RAP1GAP: variants seen among roughly 807,000 people sequenced by gnomAD.
RAP1GAP encodes rap1 GTPase-activating protein 1.
RAP1GAP carries 35 observed loss-of-function variants against 87.2 expected under a neutral mutation model. The ratio of observed to expected loss-of-function variants is 0.40; its 90% CI spans 0.31 to 0.53. RAP1GAP has a LOEUF of 0.53. Among genes scored for constraint, RAP1GAP ranks in the 20% least tolerant of loss-of-function variants. The pLI, the probability that RAP1GAP is intolerant of heterozygous loss-of-function variation, is 0.48. For missense variants in RAP1GAP, 734 were observed against 898.9 expected (o/e 0.82, Z 2.35); for synonymous variants, 375 against 363.9 (o/e 1.03, Z -0.35).
intron 2 of RAP1GAP, among the ~76,000 whole-genome samples, chr1:21,638,435 C>T (rs1389086641): frequency 2.5e-4 from 35 of 141,688 alleles, no homozygotes; most frequent in Non-Finnish European, 3.3e-4. Context: ...CCAGCCTGGG[C>T]GACAGAGCAA....
intron 13 of RAP1GAP, among the ~76,000 whole-genome samples, chr1:21,611,228 C>T (rs908877108): frequency 6.6e-6 from 1 of 152,246 alleles, no homozygotes; most frequent in Admixed American, 6.5e-5. Flanking sequence ...TCCCTCTATG[C>T]ACCCACGCAT....
chr1:21,606,318 A>G, intron 17 of RAP1GAP, 121 bp from the exon 18 acceptor site: 1 of 1,398,332 alleles, frequency 7.2e-7, no homozygotes. Context: ...AGCCCTGGAA[A>G]TCCCTTCCCC....
intron 2 of RAP1GAP, among the ~76,000 whole-genome samples, chr1:21,636,597 G>A (rs1311525949): frequency 1.3e-5 from 2 of 151,936 alleles, no homozygotes; most frequent in Admixed American, 1.3e-4. Flanking sequence ...ACCTGAGGTC[G>A]GGAGTTTGAG....
chr1:21,600,867 A>G (rs1374939004), intron 20 of RAP1GAP, among the ~76,000 whole-genome samples: 1 of 89,022 alleles, frequency 1.1e-5, no homozygotes, highest in African/African-American at 4.9e-5. Flanking sequence ...CCTGGGAGAC[A>G]GAGCAAGACT....
intron 5 of RAP1GAP, 104 bp from the exon 6 acceptor site, chr1:21,618,076 G>T: frequency 7.3e-7 from 1 of 1,374,302 alleles, no homozygotes. Flanking sequence ...GTGCGGATGG[G>T]GCCCTGGCCT....
chr1:21,600,884 C>CATAAAAAAAAAAA (rs2067726946), intron 20 of RAP1GAP, among the ~76,000 whole-genome samples: 1 of 53,052 alleles, frequency 1.9e-5, no homozygotes, highest in African/African-American at 9.4e-5. Context: ...GACTCTGTCT[C>CATAAAAAAAAAAA]AAAAAAAAAA....
intron 3 of RAP1GAP, among the ~76,000 whole-genome samples, chr1:21,623,677 A>G (rs559385752): frequency 1.8e-4 from 28 of 152,284 alleles, no homozygotes; most frequent in African/African-American, 6.3e-4. Flanking sequence ...GCCAGCAGGA[A>G]CTCTGGAGAT....
At chr1:21,610,416 A>G (rs9426672) in intron 13 of RAP1GAP, 141 bp from the exon 14 acceptor site, 62,415 of 875,638 alleles carry the variant, frequency 0.071, 2,816 homozygotes, top group Middle Eastern at 0.1. Flanking sequence ...ATGTAGCAAA[A>G]AAACTTGTCT....
At chr1:21,650,321 T>A (rs889468546) in intron 1 of RAP1GAP, among the ~76,000 whole-genome samples, 1 of 151,720 alleles carries the variant, frequency 6.6e-6, no homozygotes, top group East Asian at 1.9e-4. Context: ...AGGAGGAGCT[T>A]CCCCCCACCC....
chr1:21,604,820 G>A (rs2072734333), intron 18 of RAP1GAP, among the ~76,000 whole-genome samples: 1 of 151,320 alleles, frequency 6.6e-6, no homozygotes, highest in Non-Finnish European at 1.5e-5. Flanking sequence ...TGGATGGATG[G>A]ATGGAGATAG....
In RAP1GAP at chr1:21,608,357, GC is replaced by G; in HGVS notation, c.1159-8del. ...GGGCGGCCCGCGTCCGCTCCTGTGG[GC>G]CAGGCCCGGGCCGTCAGGAGGGACC... On this transcript the variant is annotated splice_polypyrimidine_tract_variant and splice_region_variant and intron_variant, in intron 16 of 24. Coordinates refer to ENST00000374765, the MANE Select transcript of RAP1GAP (RefSeq NM_002885.4). 6.2e-7 allele frequency: 1 copy of G among 1,611,628 alleles called. No individual in the cohort carries two copies. The highest frequency in any genetic ancestry group is 8.5e-7 in the Non-Finnish European group (1 of 1,179,128).
intron 1 of RAP1GAP, 55 bp from the exon 2 acceptor site, chr1:21,649,851 G>C (rs2096415849): frequency 6.6e-7 from 1 of 1,525,436 alleles, no homozygotes. Context: ...TCACCAGCTT[G>C]GCCCAGCATA....
In RAP1GAP at chr1:21,598,016, G is replaced by A. The variant is rs142729908; in HGVS notation, c.1928C>T (p.Ala643Val). 767 of 1,583,170 alleles carry A rather than the reference G, an allele frequency of 4.8e-4. No individual in the cohort carries two copies. The highest frequency in any genetic ancestry group is 6.3e-4 in the Non-Finnish European group (729 of 1,165,490). The change falls in exon 23 of 25, where the codon GCG (alanine) becomes GTG (valine). Residue 643 changes from alanine (A) to valine (V), a missense_variant. Around this residue, in one of 2 missense-constraint regions of RAP1GAP, gnomAD observed 249 missense variants for 252.7 expected, o/e 0.99. Transcript: ENST00000374765. ...CAGCTGGATCTTGATCTCGGGACACGCAGGGTCCCCCAACTTGCCGGCGTC... is the reference window on the plus strand; with the variant it reads ...CAGCTGGATCTTGATCTCGGGACACACAGGGTCCCCCAACTTGCCGGCGTC... ...HPDAGKLGDP[A>V]CPEIKIQLEA...
intron 3 of RAP1GAP, among the ~76,000 whole-genome samples, chr1:21,620,668 G>C (rs72660331): frequency 0.023 from 3,527 of 152,280 alleles, 61 homozygotes; most frequent in Non-Finnish European, 0.034. Flanking sequence ...GGCCTCTCCA[G>C]CGCCAACTCC....
intron 1 of RAP1GAP, among the ~76,000 whole-genome samples, chr1:21,655,634 A>G (rs921155504): frequency 2.6e-5 from 4 of 152,230 alleles, no homozygotes; most frequent in African/African-American, 9.6e-5. Flanking sequence ...CCTAGAAAAC[A>G]GTGCCAGGCT....
rs547644796 is a variant in RAP1GAP, at chr1:21,618,658, T to C, written c.66+367A>G. Reference sequence around the variant, plus strand: ...GTTGGAGTCTTCCTGCAACTGCTGGTCATCACTGGTTTCAGGGAAAACATT... The same window carrying C: ...GTTGGAGTCTTCCTGCAACTGCTGGCCATCACTGGTTTCAGGGAAAACATT... On this transcript the variant is annotated intron_variant, in intron 5 of 24. Coordinates refer to ENST00000374765, the MANE Select transcript of RAP1GAP (RefSeq NM_002885.4). Among the ~76,000 whole-genome samples, 594 of 152,254 alleles carry C rather than the reference T, an allele frequency of 3.9e-3. 3 individuals carry two copies. Among genetic ancestry groups the C allele is most frequent in the African/African-American group, 0.012 (517 of 41,536 alleles).
chr1:21,606,686 T>C (rs1159784773), intron 17 of RAP1GAP, among the ~76,000 whole-genome samples: 1 of 152,208 alleles, frequency 6.6e-6, no homozygotes, highest in African/African-American at 2.4e-5. Context: ...CCTTGTTTTT[T>C]TCAGACCAAT....
intron 2 of RAP1GAP, among the ~76,000 whole-genome samples, chr1:21,638,810 T>A (rs547749151): frequency 6.6e-6 from 1 of 152,278 alleles, no homozygotes; most frequent in South Asian, 2.1e-4. Context: ...CCCTTTTCCA[T>A]CACCTTGAGA....
At chr1:21,629,432 G>A (rs1398032466) in intron 2 of RAP1GAP, among the ~76,000 whole-genome samples, 3 of 152,132 alleles carry the variant, frequency 2.0e-5, no homozygotes, top group Non-Finnish European at 4.4e-5. Context: ...TGCTCATGTG[G>A]GTGCAGAACC....
Sources: allele counts gnomAD v4.1 joint callset (sites outside exome capture counted in the v4.1 genomes callset), GRCh38; gene constraint gnomAD v4.1.1; regional missense constraint gnomAD v4.1.1; transcripts MANE v1.5; gene names NCBI Gene and HGNC (gene_info 2026-07-23, HGNC 2026-07-21).